The following MYO16 variants were observed in gnomAD, a reference collection of about 807,000 sequenced individuals.
MYO16 encodes the protein myosin XVI.
A neutral mutation model predicts 205.3 loss-of-function variants in MYO16; 94 were observed. That is an observed-to-expected ratio of 0.46 (90% confidence interval 0.39 to 0.54). The LOEUF is 0.54. Ranked by LOEUF, MYO16 falls within the 20% of genes least tolerant of loss-of-function variation. MYO16 has a pLI of 0.00. For missense variants in MYO16, 2,315 were observed against 2,387.5 expected, an observed-to-expected ratio of 0.97 and a Z score of 0.63; for synonymous variants, 988 against 954.0, an observed-to-expected ratio of 1.04 and a Z score of -0.66.
At chr13:109,136,685 T>A (rs1876791510) in intron 31 of MYO16, among the ~76,000 whole-genome samples, 1 of 152,184 alleles carries the variant, frequency 6.6e-6, no homozygotes, top group African/African-American at 2.4e-5. Context: ...GCTGAAGTGT[T>A]GTGTTCCCTT....
At chr13:108,848,275 C>G (rs1877630308) in intron 10 of MYO16, among the ~76,000 whole-genome samples, 1 of 152,128 alleles carries the variant, frequency 6.6e-6, no homozygotes, top group South Asian at 2.1e-4. Flanking sequence ...TCATGTAGTT[C>G]CACTCAACAT....
At chr13:108,737,568 A>G (rs1376195404) in intron 4 of MYO16, among the ~76,000 whole-genome samples, 3 of 152,206 alleles carry the variant, frequency 2.0e-5, no homozygotes, top group Admixed American at 1.3e-4. Context: ...TTTTGCATCA[A>G]TGTTCATCAA....
At chr13:108,605,160 T>C (rs1335792769) in intron 1 of MYO16, among the ~76,000 whole-genome samples, 1 of 152,218 alleles carries the variant, frequency 6.6e-6, no homozygotes, top group East Asian at 1.9e-4. Context: ...TGATCATTTC[T>C]TAAAGGACTG....
chr13:109,028,097 C>A (rs962698183), intron 23 of MYO16, among the ~76,000 whole-genome samples: 3 of 151,952 alleles, frequency 2.0e-5, no homozygotes, highest in Non-Finnish European at 4.4e-5. Flanking sequence ...ACTGGTATCA[C>A]TTTAGTAGAT....
rs371924617 is a variant in MYO16 at position 109,098,219 on chromosome 13, C to T, written c.3336-2566C>T. Among the ~76,000 whole-genome samples the T allele has an allele frequency of 6.6e-5, 10 of 152,092 alleles. No individual in the cohort carries two copies. In the East Asian group the frequency reaches 1.2e-3, roughly 18 times the overall value. On this transcript the variant is annotated intron_variant, in intron 27 of 34. Coordinates refer to ENST00000457511, the MANE Select transcript of MYO16 (RefSeq NM_001198950.3). ...AGTGCAAAAGTAATTGCGGTTCAGG[C>T]GTGAATATTAAATCATTATAACTAG...
intron 34 of MYO16, among the ~76,000 whole-genome samples, chr13:109,182,304 A>G (rs1448194041): frequency 6.6e-6 from 1 of 152,294 alleles, no homozygotes; most frequent in East Asian, 1.9e-4. Context: ...CACATGTAAG[A>G]TGGGCTCAGT....
At chr13:108,625,068 T>C (rs1879681998), upstream of MYO16, among the ~76,000 whole-genome samples, 1 of 152,134 alleles carries the variant, frequency 6.6e-6, no homozygotes, top group Admixed American at 6.6e-5. Context: ...CCCTCTGACA[T>C]GGAGAGGGCA....
intron 6 of MYO16, among the ~76,000 whole-genome samples, chr13:108,799,775 C>T (rs1284078471): frequency 1.3e-5 from 2 of 151,978 alleles, no homozygotes; most frequent in South Asian, 4.2e-4. Flanking sequence ...TTGGGAAGTC[C>T]GTAGAAGGGA....
At chr13:108,694,402 A>G (rs1247939122) in intron 2 of MYO16, among the ~76,000 whole-genome samples, 1 of 152,222 alleles carries the variant, frequency 6.6e-6, no homozygotes, top group African/African-American at 2.4e-5. Flanking sequence ...CTCTCCTGCA[A>G]TATAAGAAGG....
intron 20 of MYO16, among the ~76,000 whole-genome samples, chr13:108,974,201 T>A (rs947158478): frequency 6.6e-6 from 1 of 152,216 alleles, no homozygotes; most frequent in Non-Finnish European, 1.5e-5. Flanking sequence ...TTTTCGGGTA[T>A]CCAAGGATTT....
intron 20 of MYO16, among the ~76,000 whole-genome samples, chr13:108,980,082 A>G (rs1200885660): frequency 6.6e-6 from 1 of 152,196 alleles, no homozygotes; most frequent in South Asian, 2.1e-4. Flanking sequence ...AAATAGATTT[A>G]TCAGATCTAG....
chr13:108,733,608 T>A (rs1053291010), intron 4 of MYO16, among the ~76,000 whole-genome samples: 1 of 152,346 alleles, frequency 6.6e-6, no homozygotes, highest in South Asian at 2.1e-4. Flanking sequence ...CATACATTTA[T>A]TTTTAAAACA....
intron 7 of MYO16, among the ~76,000 whole-genome samples, chr13:108,818,647 G>A (rs1011400535): frequency 3.9e-4 from 59 of 152,164 alleles, no homozygotes; most frequent in African/African-American, 1.4e-3. Context: ...AAGATGGATA[G>A]GGCATGCATA....
chr13:108,626,729 G>A (rs149404419), upstream of MYO16, among the ~76,000 whole-genome samples: 1,180 of 151,708 alleles, frequency 7.8e-3, 13 homozygotes, highest in African/African-American at 0.027. Flanking sequence ...GCTTGAAACC[G>A]GGAGGCAGAG....
intron 11 of MYO16, among the ~76,000 whole-genome samples, chr13:108,862,545 G>T (rs779014758): frequency 2.0e-5 from 3 of 152,094 alleles, no homozygotes; most frequent in Admixed American, 2.0e-4. Flanking sequence ...GTGACCCCAG[G>T]GAGTGGGTGC....
At chr13:109,166,795 T>G (rs1359475152) in intron 33 of MYO16, 1 of 152,212 alleles carries the variant, frequency 6.6e-6, no homozygotes, top group Non-Finnish European at 1.5e-5. Context: ...ATGACTGGCT[T>G]GTATTAGTGA....
chr13:109,055,719 T>C lies in MYO16; in HGVS notation c.3335+124T>C. The C allele has an allele frequency of 1.3e-6, 1 of 798,910 alleles. No homozygotes were observed. Among genetic ancestry groups the C allele is most frequent in the South Asian group, 1.7e-5 (1 of 58,980 alleles). The allele number at this position is 798,910 out of a possible 1,614,324, so 49.5% of individuals were successfully genotyped here. On this transcript the variant is annotated intron_variant, in intron 27 of 34. Coordinates refer to ENST00000457511, the MANE Select transcript of MYO16 (RefSeq NM_001198950.3). The surrounding 1 kb of genome is among the most constrained non-coding windows in gnomAD (Gnocchi z 5.0). ...TGGCACTGCTTTTGTTGTTTACTTT[T>C]TTCTATCTCCAATAAACAAAATATT...
intron 1 of MYO16, among the ~76,000 whole-genome samples, chr13:108,652,145 G>A (rs1054977446): frequency 1.3e-5 from 2 of 148,376 alleles, no homozygotes; most frequent in South Asian, 4.2e-4. Context: ...ATACCAATGT[G>A]TGTGTGTGTG....
intron 27 of MYO16, among the ~76,000 whole-genome samples, chr13:109,080,568 G>A (rs1888251083): frequency 8.8e-6 from 1 of 113,422 alleles, no homozygotes; most frequent in Admixed American, 9.9e-5. Flanking sequence ...TGAACATTCT[G>A]TGCCCCTCTT....
Sources: gnomAD v4.1 joint callset for allele counts (sites outside exome capture counted in the v4.1 genomes callset) on GRCh38, gnomAD v4.1.1 for gene constraint, Gnocchi (gnomAD v3.1) non-coding constraint, MANE v1.5 for transcripts, NCBI Gene and HGNC (gene_info 2026-07-23, HGNC 2026-07-21) for gene names.